The following RB1CC1 variants were observed in gnomAD, a reference collection of about 807,000 sequenced individuals.
RB1CC1 encodes RB1 inducible coiled-coil 1.
A neutral mutation model predicts 177.5 loss-of-function variants in RB1CC1; 46 were observed. The observed-to-expected ratio is 0.26, with a 90% CI of 0.20 to 0.33. RB1CC1 has a LOEUF of 0.33. Ranked by LOEUF, RB1CC1 falls within the 10% of genes least tolerant of loss-of-function variation. The probability of loss-of-function intolerance (pLI) is 1.00; values close to 1 mark genes in which losing one functional copy is unlikely to be tolerated. For missense variants in RB1CC1, 1,703 were observed against 1,816.3 expected, an observed-to-expected ratio of 0.94 and a Z score of 1.13; for synonymous variants, 666 against 613.6, an observed-to-expected ratio of 1.09 and a Z score of -1.26.
intron 1 of RB1CC1, among the ~76,000 whole-genome samples, chr8:52,690,013 T>C (rs745571819): frequency 6.6e-6 from 1 of 151,950 alleles, no homozygotes; most frequent in Non-Finnish European, 1.5e-5. Flanking sequence ...AAGAAATATG[T>C]GGAGAGTGAC....
At chr8:52,644,717 G>A (rs1310024954) in intron 16 of RB1CC1, among the ~76,000 whole-genome samples, 1 of 151,988 alleles carries the variant, frequency 6.6e-6, no homozygotes, top group African/African-American at 2.4e-5. Flanking sequence ...AAAATTGTTA[G>A]AGGTTTCAAC....
chr8:52,641,784 T>G (rs952552948), intron 18 of RB1CC1, among the ~76,000 whole-genome samples: 19 of 152,106 alleles, frequency 1.2e-4, no homozygotes, highest in African/African-American at 4.3e-4. Flanking sequence ...CAACGTCCTT[T>G]GGAGAGGAGC....
rs1446623376 is a variant in RB1CC1, at chr8:52,685,526, A to G, written c.-51-6T>C. The G allele has an allele frequency of 2.8e-6, 3 of 1,067,272 alleles. No individual in the cohort carries two copies. The highest frequency in any genetic ancestry group is 4.2e-6 in the Non-Finnish European group (3 of 714,142). The allele number at this position is 1,067,272 out of a possible 1,614,324, so 66.1% of individuals were successfully genotyped here. ...CTCACCCTCTGATACAGTTACTAGA[A>G]GAAACAAGAGAAGTGATCAATTTTA... On this transcript the variant is annotated splice_region_variant and splice_polypyrimidine_tract_variant and intron_variant, in intron 2 of 23. Transcript: ENST00000025008.
chr8:52,711,921 G>A (rs1857092777), intron 1 of RB1CC1, among the ~76,000 whole-genome samples: 1 of 151,950 alleles, frequency 6.6e-6, no homozygotes, highest in South Asian at 2.1e-4. Context: ...TACTTCTCTT[G>A]GGCCTTTATT....
rs748814283 is a variant in RB1CC1 at position 52,642,762 on chromosome 8, T to C, written c.4038A>G (p.Ile1346Met). The C allele has an allele frequency of 2.9e-5, 46 of 1,580,004 alleles. No individual in the cohort carries two copies. Among genetic ancestry groups the C allele is most frequent in the South Asian group, 4.8e-5 (4 of 83,920 alleles). The change falls in exon 17 of 24, where the codon ATA (isoleucine) becomes ATG (methionine). Residue 1346 changes from isoleucine to methionine, a missense_variant. This residue lies in a region of RB1CC1 where 1,169 missense variants were observed against 1,184.7 expected (regional missense o/e 0.99). Transcript: ENST00000025008. ...TCAACTTATCACTAAGATCATTTAT[T>C]ATGTTTTCTTTTCTCATTTTCTCTC... The part of the protein sequence containing the change: ...LTREKMRKEN[I>M]INDLSDKLKS...
intron 8 of RB1CC1, among the ~76,000 whole-genome samples, chr8:52,666,256 T>G (rs909131206): frequency 6.6e-6 from 1 of 151,906 alleles, no homozygotes; most frequent in African/African-American, 2.4e-5. Context: ...CTGGGCGCCG[T>G]GGCTCACACC....
chr8:52,698,131 G>A (rs956195977), intron 1 of RB1CC1, among the ~76,000 whole-genome samples: 2 of 151,968 alleles, frequency 1.3e-5, no homozygotes, highest in Non-Finnish European at 2.9e-5. Flanking sequence ...CTAGAGTATA[G>A]TGGCGGGATC....
chr8:52,685,448 C>T lies in RB1CC1; in HGVS notation c.22G>A (p.Val8Ile). 6 of 1,596,276 alleles carry T rather than the reference C, an allele frequency of 3.8e-6. No homozygotes were observed. The highest frequency in any genetic ancestry group is 2.0e-4 in the Middle Eastern group (1 of 4,934). MKLYVFL[V>I]NTGTTLTFDT... is the part of the protein sequence containing the mutation. ...AATGTTAGAGTAGTTCCAGTGTTAACCAGAAATACATATAACTTCATGATG... is the reference window on the plus strand; with the variant it reads ...AATGTTAGAGTAGTTCCAGTGTTAATCAGAAATACATATAACTTCATGATG... Residue 8 changes from valine to isoleucine, a missense_variant, in exon 3 of 24, where the codon GTT becomes ATT. Val to Ile is a conservative substitution (Grantham distance 29, BLOSUM62 3). Transcript: ENST00000025008.
chr8:52,687,024 T>A, intron 1 of RB1CC1, 57 bp from the exon 2 acceptor site: 1 of 449,580 alleles, frequency 2.2e-6, no homozygotes, highest in Non-Finnish European at 4.4e-6. Context: ...AAACAACATA[T>A]GGCTATTGTT....
chr8:52,708,554 A>C (rs1300591782), intron 1 of RB1CC1, among the ~76,000 whole-genome samples: 2 of 151,972 alleles, frequency 1.3e-5, no homozygotes, highest in African/African-American at 4.8e-5. Flanking sequence ...AAGTCCAAGT[A>C]TTGTCCTATT....
chr8:52,664,080 C>T (rs1168300989), intron 8 of RB1CC1, among the ~76,000 whole-genome samples: 1 of 152,186 alleles, frequency 6.6e-6, no homozygotes, highest in African/African-American at 2.4e-5. Context: ...TCTGCTAAAA[C>T]CTTGACTCTG....
At position 52,634,944 on chromosome 8, in the gene RB1CC1, TTTC is replaced by T. The variant is rs755485505; in HGVS notation, c.4414_4416del (p.Glu1472del). 1.9e-6 allele frequency: 3 copies of T among 1,609,884 alleles called. No individual in the cohort carries two copies. The highest frequency in any genetic ancestry group is 1.3e-5 in the African/African-American group (1 of 74,798). On this transcript the variant is annotated inframe_deletion, in exon 20 of 24. Transcript: ENST00000025008. The stretch of plus-strand genomic sequence containing the variant: ...ACCAGTCTTTGATTTAACCGTTTAT[TTTC>T]TTCTTCTTTCAATTGCAATGTCTGC...
At position 52,700,618 on chromosome 8, in the gene RB1CC1, T is replaced by C. The variant is rs549799571; in HGVS notation, c.-167+13457A>G. Among the ~76,000 whole-genome samples, 4 of 152,332 alleles carry C rather than the reference T, an allele frequency of 2.6e-5. No individual in the cohort carries two copies. In the South Asian group the frequency reaches 8.3e-4, roughly 32 times the overall value. ...AAGCATATCTTATTGGTCATTGGCA[T>C]ATCTTATTTGCAGCCAATCCATTAA... On this transcript the variant is annotated intron_variant, in intron 1 of 23. Coordinates refer to ENST00000025008, the MANE Select transcript of RB1CC1 (RefSeq NM_014781.5).
intron 1 of RB1CC1, among the ~76,000 whole-genome samples, chr8:52,690,481 A>C (rs187870539): frequency 2.0e-5 from 3 of 152,314 alleles, no homozygotes; most frequent in Admixed American, 2.0e-4. Context: ...TCAACGCACA[A>C]AAGAAAAGAG....
chr8:52,626,720 G>A lies in RB1CC1; in HGVS notation c.4636+1312C>T, dbSNP rs536722392. ...AAAAAGTACTAAGTAAAAATAGTAA[G>A]TTATAAGCTATCTTCTCATTTTTCA... On this transcript the variant is annotated intron_variant, in intron 22 of 23. Coordinates refer to ENST00000025008, the MANE Select transcript of RB1CC1 (RefSeq NM_014781.5). Among the ~76,000 whole-genome samples the A allele has an allele frequency of 1.2e-3, 181 of 152,244 alleles. 1 individual carries two copies. The highest frequency in any genetic ancestry group is 4.2e-3 in the African/African-American group (176 of 41,540).
chr8:52,696,196 C>G (rs747129586), intron 1 of RB1CC1, among the ~76,000 whole-genome samples: 1 of 152,160 alleles, frequency 6.6e-6, no homozygotes, highest in Non-Finnish European at 1.5e-5. Context: ...AGGCACCCAC[C>G]ACCACGCCCG....
intron 18 of RB1CC1, among the ~76,000 whole-genome samples, chr8:52,636,448 G>A (rs1282155765): frequency 6.6e-6 from 1 of 152,118 alleles, no homozygotes; most frequent in Non-Finnish European, 1.5e-5. Flanking sequence ...GTACTCACTA[G>A]TTACTATGCC....
At position 52,685,539 on chromosome 8, in the gene RB1CC1, G is replaced by A. The variant is rs752425594; in HGVS notation, c.-51-19C>T. ...ACAGTTACTAGAAGAAACAAGAGAAGTGATCAATTTTACAAATGCAACTAC... is the reference window on the plus strand; with the variant it reads ...ACAGTTACTAGAAGAAACAAGAGAAATGATCAATTTTACAAATGCAACTAC... On this transcript the variant is annotated intron_variant, in intron 2 of 23. Transcript: ENST00000025008. 1.1e-4 allele frequency: 107 copies of A among 960,684 alleles called. No individual in the cohort carries two copies. The highest frequency in any genetic ancestry group is 1.7e-4 in the Non-Finnish European group (104 of 624,462). 59.5% of individuals were successfully genotyped at this position (960,684 alleles called of 1,614,324 possible). A position where few individuals can be genotyped will look rare whatever the true frequency, so the allele number is the denominator to read the frequency against.
intron 7 of RB1CC1, among the ~76,000 whole-genome samples, chr8:52,672,299 G>A (rs1280430801): frequency 6.6e-6 from 1 of 152,130 alleles, no homozygotes. Flanking sequence ...CATTAAGTCA[G>A]AGAATCACTG....
Sources: allele counts gnomAD v4.1 joint callset (sites outside exome capture counted in the v4.1 genomes callset), GRCh38; gene constraint gnomAD v4.1.1; regional missense constraint gnomAD v4.1.1; transcripts MANE v1.5; gene names NCBI Gene and HGNC (gene_info 2026-07-23, HGNC 2026-07-21).